Variants in PPM1B observed in about 807,000 individuals in gnomAD.
The protein encoded by PPM1B is protein phosphatase 1B.
A neutral mutation model predicts 43.0 loss-of-function variants in PPM1B; 22 were observed. That is an observed-to-expected ratio of 0.51 (90% CI 0.37 to 0.73). The LOEUF is 0.73. Ranked by LOEUF, PPM1B falls within the 30% of genes least tolerant of loss-of-function variation. PPM1B has a pLI of 0.00. For synonymous variants in PPM1B, 217 were observed against 197.9 expected, an observed-to-expected ratio of 1.10 and a Z score of -0.81; for missense variants, 632 against 584.2, an observed-to-expected ratio of 1.08 and a Z score of -0.84.
chr2:44,230,905 A>T lies in PPM1B; in HGVS notation c.*187A>T, dbSNP rs1670444471. 2 of 1,304,814 alleles carry T rather than the reference A, an allele frequency of 1.5e-6. No homozygotes were observed. Among genetic ancestry groups the T allele is most frequent in the East Asian group, 5.8e-5 (2 of 34,730 alleles). 80.8% of individuals were successfully genotyped at this position (1,304,814 alleles called of 1,614,324 possible). A position where few individuals can be genotyped will look rare whatever the true frequency, so the allele number is the denominator to read the frequency against. On this transcript the variant is annotated 3_prime_UTR_variant, in exon 6 of 6. Transcript: ENST00000282412. Reference sequence around the variant, plus strand: ...TGAGATAGTGTAAAATTGACTATTTATAGTACTATGGATTTAATGAAATTA... The same window carrying T: ...TGAGATAGTGTAAAATTGACTATTTTTAGTACTATGGATTTAATGAAATTA...
rs75657714 is a variant in PPM1B at position 44,190,826 on chromosome 2, G to A, written c.-14-10360G>A. On this transcript the variant is annotated intron_variant, in intron 1 of 5. Coordinates refer to ENST00000282412, the MANE Select transcript of PPM1B (RefSeq NM_002706.6). ...ACTGTAATATTTATCAAGGAAATGG[G>A]TATTTAATGACCATTTAATAATAAA... is the stretch of plus-strand genomic sequence containing the variant. 3.7e-3 allele frequency among the ~76,000 whole-genome samples: 570 copies of A among 152,244 alleles called. 3 individuals are homozygous for A. The highest frequency in any genetic ancestry group is 0.013 in the African/African-American group (550 of 41,548).
intron 5 of PPM1B, among the ~76,000 whole-genome samples, chr2:44,224,560 G>A (rs1306538167): frequency 1.3e-5 from 2 of 150,778 alleles, no homozygotes; most frequent in Non-Finnish European, 3.0e-5. Flanking sequence ...TTTTTAAAAT[G>A]TGCTTAGTTC....
downstream of PPM1B, among the ~76,000 whole-genome samples, chr2:44,236,478 G>T (rs1351599330): frequency 6.7e-6 from 1 of 149,138 alleles, no homozygotes; most frequent in Non-Finnish European, 1.5e-5. Flanking sequence ...TGTCTTGCTA[G>T]TTGTGATTCT....
At chr2:44,178,476 T>TATA (rs1558388239) in intron 1 of PPM1B, among the ~76,000 whole-genome samples, 15 of 24,446 alleles carry the variant, frequency 6.1e-4, no homozygotes, top group African/African-American at 9.1e-4. Flanking sequence ...ATATATATAT[T>TATA]TTTTTTTTTA....
intron 1 of PPM1B, among the ~76,000 whole-genome samples, chr2:44,183,225 A>T (rs1356953051): frequency 6.6e-6 from 1 of 152,202 alleles, no homozygotes; most frequent in Admixed American, 6.5e-5. Context: ...GGAGGATATT[A>T]AAAACCTCTG....
intron 1 of PPM1B, among the ~76,000 whole-genome samples, chr2:44,175,219 A>G (rs564164092): frequency 9.2e-5 from 14 of 152,204 alleles, no homozygotes; most frequent in African/African-American, 1.4e-4. Context: ...GCGCCACTGC[A>G]TTCCAGCCTG....
intron 5 of PPM1B, among the ~76,000 whole-genome samples, chr2:44,223,017 G>A (rs571135239): frequency 1.3e-5 from 2 of 152,046 alleles, no homozygotes; most frequent in South Asian, 4.2e-4. Context: ...TTTTTTGTAG[G>A]GATAGGGTCT....
At chr2:44,192,265 T>C (rs955853229) in intron 1 of PPM1B, among the ~76,000 whole-genome samples, 2 of 151,928 alleles carry the variant, frequency 1.3e-5, no homozygotes, top group African/African-American at 4.8e-5. Flanking sequence ...TCGCCCAGGC[T>C]GGAGTGCAGT....
At chr2:44,227,712 G>T (rs1670280966) in intron 5 of PPM1B, among the ~76,000 whole-genome samples, 1 of 151,424 alleles carries the variant, frequency 6.6e-6, no homozygotes, top group African/African-American at 2.4e-5. Context: ...TAGAGATGGG[G>T]TTTCACCATG....
At chr2:44,198,672 G>T (rs769493564) in intron 1 of PPM1B, among the ~76,000 whole-genome samples, 1 of 152,114 alleles carries the variant, frequency 6.6e-6, no homozygotes. Context: ...AAAATGAAAC[G>T]AAATAATAAG....
chr2:44,220,040 A>G (rs1230828414), intron 5 of PPM1B, among the ~76,000 whole-genome samples: 2 of 152,164 alleles, frequency 1.3e-5, no homozygotes, highest in East Asian at 1.9e-4. Flanking sequence ...AAATGAGTAT[A>G]GGATGTTGAC....
intron 3 of PPM1B, among the ~76,000 whole-genome samples, chr2:44,216,600 T>A (rs892010093): frequency 6.6e-6 from 1 of 152,150 alleles, no homozygotes; most frequent in East Asian, 1.9e-4. Flanking sequence ...GATTTGAGAA[T>A]GTGACATATA....
At chr2:44,192,190 G>GTTATT in intron 1 of PPM1B, among the ~76,000 whole-genome samples, 1 of 143,642 alleles carries the variant, frequency 7.0e-6, no homozygotes, top group South Asian at 2.3e-4. Flanking sequence ...GTTATGTTAT[G>GTTATT]GTATTGTATT....
intron 1 of PPM1B, among the ~76,000 whole-genome samples, chr2:44,173,514 CACTTT>C (rs1221408261): frequency 2.0e-5 from 3 of 152,156 alleles, no homozygotes; most frequent in Non-Finnish European, 4.4e-5. Context: ...CAACCATAAA[CACTTT>C]ACTTCTGAAT....
At chr2:44,212,249 T>C (rs1669506604) in intron 3 of PPM1B, among the ~76,000 whole-genome samples, 1 of 152,208 alleles carries the variant, frequency 6.6e-6, no homozygotes, top group South Asian at 2.1e-4. Flanking sequence ...ACAGGATTTA[T>C]TATAGTTTTC....
chr2:44,216,441 A>G (rs888998300), intron 3 of PPM1B, among the ~76,000 whole-genome samples: 1 of 152,190 alleles, frequency 6.6e-6, no homozygotes, highest in Non-Finnish European at 1.5e-5. Flanking sequence ...TTTAAGGTAG[A>G]AAACTTACAG....
intron 5 of PPM1B, among the ~76,000 whole-genome samples, chr2:44,229,460 T>C (rs932098037): frequency 1.3e-5 from 2 of 152,172 alleles, no homozygotes; most frequent in African/African-American, 2.4e-5. Flanking sequence ...CCTGTTTTTT[T>C]CCCCTTGAAA....
chr2:44,209,031 A>T (rs1393565112), intron 2 of PPM1B, among the ~76,000 whole-genome samples, 179 bp from the exon 3 acceptor site: 2 of 152,236 alleles, frequency 1.3e-5, no homozygotes, highest in Non-Finnish European at 2.9e-5. Flanking sequence ...ATATACCCAT[A>T]CCTAGACACC....
At chr2:44,242,765 G>A (rs1670777595) in intron 5 of PPM1B, among the ~76,000 whole-genome samples, 2 of 137,262 alleles carry the variant, frequency 1.5e-5, no homozygotes, top group Non-Finnish European at 3.1e-5. Context: ...ATGTTAATTG[G>A]CAGCATTTTT....
Sources: allele counts gnomAD v4.1 joint callset (sites outside exome capture counted in the v4.1 genomes callset), GRCh38; gene constraint gnomAD v4.1.1; transcripts MANE v1.5; gene names NCBI Gene and HGNC (gene_info 2026-07-23, HGNC 2026-07-21).